DCC: variants seen among roughly 807,000 people sequenced by gnomAD.
The protein encoded by DCC is DCC netrin 1 receptor, also known as netrin receptor DCC.
Under a neutral mutation model 172.5 loss-of-function variants are expected in DCC, and 58 were observed. That is an observed-to-expected ratio of 0.34 (90% CI 0.27 to 0.42). The LOEUF (loss-of-function observed/expected upper bound fraction) is 0.42, where lower values mean the gene tolerates loss of function less well. Ranked by LOEUF, DCC falls within the 10% of genes least tolerant of loss-of-function variation. DCC has a pLI of 1.00. For missense variants in DCC, 1,740 were observed against 1,791.0 expected (o/e 0.97, Z 0.51); for synonymous variants, 709 against 644.5 (o/e 1.10, Z -1.52).
chr18:52,386,825 T>A (rs1460113366), intron 1 of DCC, among the ~76,000 whole-genome samples: 1 of 152,086 alleles, frequency 6.6e-6, no homozygotes, highest in Admixed American at 6.5e-5. Flanking sequence ...TTACACAACA[T>A]GTATCATATA....
At chr18:53,208,443 A>G (rs2055691471) in intron 11 of DCC, among the ~76,000 whole-genome samples, 1 of 152,092 alleles carries the variant, frequency 6.6e-6, no homozygotes, top group Non-Finnish European at 1.5e-5. Flanking sequence ...TGTGTGGATT[A>G]ATTTTGATTG....
chr18:52,472,114 TGC>T (rs773050283), intron 1 of DCC, among the ~76,000 whole-genome samples: 84 of 152,310 alleles, frequency 5.5e-4, no homozygotes, highest in Middle Eastern at 6.8e-3. Flanking sequence ...GCACCCTGAG[TGC>T]AACTTTGTAC....
intron 21 of DCC, among the ~76,000 whole-genome samples, chr18:53,417,772 C>T (rs1408584446): frequency 1.3e-5 from 2 of 151,940 alleles, no homozygotes; most frequent in Admixed American, 6.6e-5. Context: ...AATGGCTTTC[C>T]ACTTCTCTCT....
At chr18:53,055,445 G>A (rs1378087609) in intron 5 of DCC, among the ~76,000 whole-genome samples, 1 of 152,096 alleles carries the variant, frequency 6.6e-6, no homozygotes, top group Non-Finnish European at 1.5e-5. Flanking sequence ...AGATGAGATT[G>A]AAACATCTTT....
chr18:52,967,610 T>C (rs2040956654), intron 5 of DCC, among the ~76,000 whole-genome samples: 1 of 152,188 alleles, frequency 6.6e-6, no homozygotes, highest in African/African-American at 2.4e-5. Context: ...TGTCTCTCTC[T>C]TCAAGTTCTG....
At position 53,534,139 on chromosome 18, in the gene DCC, A is replaced by AT. The variant is rs2046550238; in HGVS notation, c.*3487dup. On this transcript the variant is annotated 3_prime_UTR_variant, in exon 29 of 29. Coordinates refer to ENST00000442544, the MANE Select transcript of DCC (RefSeq NM_005215.4). ...CCCCAAATGTAATATGGTATCTCAG[A>AT]TATAGCAGCTGGACTGTAATTACAA... The AT allele has an allele frequency of 1.3e-5, 2 of 152,226 alleles. No homozygotes were observed. The highest frequency in any genetic ancestry group is 2.9e-5 in the Non-Finnish European group (2 of 68,038). The allele number at this position is 152,226 out of a possible 1,614,324, so 9.4% of individuals were successfully genotyped here. A position where few individuals can be genotyped will look rare whatever the true frequency, so the allele number is the denominator to read the frequency against.
intron 7 of DCC, among the ~76,000 whole-genome samples, chr18:53,124,935 A>G (rs538879832): frequency 1.1e-4 from 17 of 151,790 alleles, no homozygotes; most frequent in Non-Finnish European, 2.2e-4. Context: ...TTGCCACTGC[A>G]CTCTAGCCTG....
intron 1 of DCC, among the ~76,000 whole-genome samples, chr18:52,707,977 G>A (rs560809418): frequency 6.6e-6 from 1 of 152,282 alleles, no homozygotes; most frequent in African/African-American, 2.4e-5. Flanking sequence ...TTATATAGTT[G>A]AAAATAGCTA....
chr18:52,935,699 T>C (rs2040371264), intron 5 of DCC, among the ~76,000 whole-genome samples: 1 of 152,158 alleles, frequency 6.6e-6, no homozygotes. Context: ...ACTTGGGTGT[T>C]CAGTCTCTTC....
chr18:52,689,282 A>G (rs1056540670), intron 1 of DCC, among the ~76,000 whole-genome samples: 4 of 152,274 alleles, frequency 2.6e-5, no homozygotes, highest in East Asian at 1.9e-4. Flanking sequence ...AAATTCAGGG[A>G]AGCAGTAGGT....
At chr18:52,477,350 G>T (rs1273436975) in intron 1 of DCC, among the ~76,000 whole-genome samples, 1 of 152,172 alleles carries the variant, frequency 6.6e-6, no homozygotes, top group African/African-American at 2.4e-5. Flanking sequence ...GTTGGAGGAG[G>T]TATATGAGTG....
At chr18:52,601,716 TATC>T (rs1325647924) in intron 1 of DCC, among the ~76,000 whole-genome samples, 1 of 152,050 alleles carries the variant, frequency 6.6e-6, no homozygotes, top group Non-Finnish European at 1.5e-5. Flanking sequence ...CTTGTAGAAT[TATC>T]ATGATGTAAA....
intron 1 of DCC, among the ~76,000 whole-genome samples, chr18:52,657,159 A>C (rs2035271394): frequency 6.6e-6 from 1 of 152,186 alleles, no homozygotes; most frequent in Admixed American, 6.5e-5. Context: ...CTGTTCTCTA[A>C]GCTCCGCACT....
At chr18:53,224,970 A>G (rs968145380) in intron 12 of DCC, among the ~76,000 whole-genome samples, 2 of 152,192 alleles carry the variant, frequency 1.3e-5, no homozygotes, top group Admixed American at 6.6e-5. Context: ...GACTACAGTT[A>G]GAAAAAATAT....
intron 1 of DCC, among the ~76,000 whole-genome samples, chr18:52,675,048 CTTTG>C (rs1441475454): frequency 2.0e-5 from 3 of 152,080 alleles, no homozygotes; most frequent in African/African-American, 7.2e-5. Context: ...GATCCCAGAT[CTTTG>C]TTTGTTTGTC....
chr18:53,172,882 G>T (rs748363257), intron 8 of DCC, among the ~76,000 whole-genome samples: 10 of 151,862 alleles, frequency 6.6e-5, no homozygotes, highest in Non-Finnish European at 1.0e-4. Context: ...TCATTCTTAA[G>T]TGTGATACCC....
At chr18:53,374,008 G>A (rs2058086113) in intron 15 of DCC, among the ~76,000 whole-genome samples, 1 of 152,194 alleles carries the variant, frequency 6.6e-6, no homozygotes, top group Non-Finnish European at 1.5e-5. Flanking sequence ...CCTTTACACT[G>A]AATCTGCTTC....
At chr18:52,587,518 A>G (rs1379129598) in intron 1 of DCC, among the ~76,000 whole-genome samples, 1 of 152,102 alleles carries the variant, frequency 6.6e-6, no homozygotes, top group Non-Finnish European at 1.5e-5. Flanking sequence ...CTCTTCCCCA[A>G]ATTTCTTTGT....
chr18:53,145,314 A>C (rs1277065337), intron 7 of DCC, among the ~76,000 whole-genome samples: 1 of 151,732 alleles, frequency 6.6e-6, no homozygotes, highest in Non-Finnish European at 1.5e-5. Flanking sequence ...GGGGTTTCAC[A>C]GTGTTAGCTA....
Sources: gnomAD v4.1 joint callset for allele counts (sites outside exome capture counted in the v4.1 genomes callset) on GRCh38, gnomAD v4.1.1 for gene constraint, MANE v1.5 for transcripts, NCBI Gene and HGNC (gene_info 2026-07-23, HGNC 2026-07-21) for gene names.